The following TENM2 variants were observed in gnomAD, a reference collection of about 807,000 sequenced individuals.
The protein encoded by TENM2 is teneurin-2.
Under a neutral mutation model 245.2 loss-of-function variants are expected in TENM2, and 52 were observed. The observed-to-expected ratio is 0.21, with a 90% confidence interval of 0.17 to 0.27. TENM2 has a LOEUF of 0.27. TENM2 is among the 10% of genes least tolerant of loss of function. The pLI is 1.00. For missense variants in TENM2, 3,046 were observed against 3,666.8 expected (o/e 0.83, Z 4.37); for synonymous variants, 1,363 against 1,438.9 (o/e 0.95, Z 1.19).
intron 23 of TENM2, among the ~76,000 whole-genome samples, chr5:168,220,745 C>T (rs1403834889): frequency 2.6e-5 from 4 of 152,156 alleles, no homozygotes; most frequent in Non-Finnish European, 4.4e-5. Context: ...AAGACCAACA[C>T]TGCATAGCCT....
chr5:168,205,277 T>A (rs1762263479), intron 19 of TENM2, among the ~76,000 whole-genome samples: 1 of 151,886 alleles, frequency 6.6e-6, no homozygotes, highest in Non-Finnish European at 1.5e-5. Flanking sequence ...TCAACAAATA[T>A]TTGGTGAATG....
At chr5:168,192,969 T>G (rs1761086453) in intron 14 of TENM2, among the ~76,000 whole-genome samples, 2 of 152,228 alleles carry the variant, frequency 1.3e-5, no homozygotes, top group African/African-American at 2.4e-5. Flanking sequence ...TCTGGTTTTA[T>G]CTTATTCTCC....
chr5:167,687,006 A>C lies in TENM2; in HGVS notation c.503-188980A>C, dbSNP rs186289352. On this transcript the variant is annotated intron_variant, in intron 2 of 28. Coordinates refer to ENST00000518659, the Ensembl canonical transcript of TENM2. ...CCACCTGTTGAAAGGGCTATTCTCA[A>C]ATCTTTAAAAACACATTGCCAAATA... 3.2e-4 allele frequency among the ~76,000 whole-genome samples: 49 copies of C among 152,268 alleles called. 1 individual carries two copies. The highest frequency in any genetic ancestry group is 1.2e-3 in the African/African-American group (48 of 41,552).
the TENM2 span, among the ~76,000 whole-genome samples, chr5:166,999,667 T>C: frequency 6.6e-6 from 1 of 152,090 alleles, no homozygotes; most frequent in Non-Finnish European, 1.5e-5. Context: ...GCCTTCAGGG[T>C]TATGGTGGGC....
At chr5:167,639,511 C>T (rs1382018380) in intron 2 of TENM2, among the ~76,000 whole-genome samples, 1 of 152,140 alleles carries the variant, frequency 6.6e-6, no homozygotes, top group African/African-American at 2.4e-5. Context: ...GACCTTCTTC[C>T]TGCTTCACAA....
At chr5:167,093,554 G>A in the TENM2 span, among the ~76,000 whole-genome samples, 5 of 152,314 alleles carry the variant, frequency 3.3e-5, no homozygotes, top group East Asian at 9.7e-4. Flanking sequence ...AGTCGCGACA[G>A]CATATGTCAC....
chr5:168,103,444 C>T (rs192192331), intron 9 of TENM2, among the ~76,000 whole-genome samples: 14 of 152,288 alleles, frequency 9.2e-5, no homozygotes, highest in Admixed American at 2.0e-4. Flanking sequence ...TTAATCGTCA[C>T]GCCCCCTTCA....
intron 9 of TENM2, among the ~76,000 whole-genome samples, chr5:168,101,416 A>C (rs1793804634): frequency 6.6e-6 from 1 of 152,030 alleles, no homozygotes; most frequent in Non-Finnish European, 1.5e-5. Context: ...AAACCTAAGT[A>C]CCCCGGCCGT....
At chr5:168,108,044 A>G (rs912949275) in intron 9 of TENM2, among the ~76,000 whole-genome samples, 1 of 152,226 alleles carries the variant, frequency 6.6e-6, no homozygotes, top group Non-Finnish European at 1.5e-5. Context: ...ATGTCTGGTT[A>G]CTTGAATAGA....
At chr5:168,124,961 C>T in exon 11 of TENM2, 1 of 1,611,846 alleles carries the variant, frequency 6.2e-7, no homozygotes, top group South Asian at 1.1e-5. Context: ...GTCCAGTGCC[C>T]AGACCAGTGC....
At chr5:167,235,278 A>T in the TENM2 span, among the ~76,000 whole-genome samples, 1 of 152,036 alleles carries the variant, frequency 6.6e-6, no homozygotes, top group Non-Finnish European at 1.5e-5. Context: ...TTACCTCTTT[A>T]AACACCTGTC....
intron 8 of TENM2, among the ~76,000 whole-genome samples, chr5:168,094,524 C>T (rs1793199469): frequency 6.6e-6 from 1 of 151,928 alleles, no homozygotes; most frequent in Non-Finnish European, 1.5e-5. Context: ...TCATTTGTAC[C>T]CAGAAGTTCC....
chr5:167,758,877 A>G (rs1440644407), intron 2 of TENM2, among the ~76,000 whole-genome samples: 1 of 152,070 alleles, frequency 6.6e-6, no homozygotes, highest in Non-Finnish European at 1.5e-5. Flanking sequence ...TGATTGATAC[A>G]GAAACAGCTA....
intron 2 of TENM2, among the ~76,000 whole-genome samples, chr5:167,689,834 T>C (rs899040661): frequency 2.0e-5 from 3 of 152,136 alleles, no homozygotes; most frequent in Non-Finnish European, 4.4e-5. Flanking sequence ...CAATTTTGGC[T>C]CCTACAATCT....
intron 18 of TENM2, 142 bp from the exon 21 acceptor site, chr5:168,204,230 C>A: frequency 1.1e-6 from 1 of 876,922 alleles, no homozygotes; most frequent in Non-Finnish European, 1.7e-6. Context: ...CACTGCAGCT[C>A]TCTCCACATT....
At chr5:167,535,854 A>T (rs1771807472) in intron 2 of TENM2, among the ~76,000 whole-genome samples, 1 of 152,222 alleles carries the variant, frequency 6.6e-6, no homozygotes, top group South Asian at 2.1e-4. Context: ...AGCCATAAGA[A>T]TTAGAGCTCA....
chr5:168,216,966 C>T, intron 22 of TENM2, 44 bp downstream of exon 24: 1 of 1,605,552 alleles, frequency 6.2e-7, no homozygotes, highest in Non-Finnish European at 8.5e-7. Flanking sequence ...ACACCTGCCC[C>T]TTGGCCTGAG....
chr5:167,296,773 T>C (rs1219749642), intron 1 of TENM2, among the ~76,000 whole-genome samples: 1 of 152,232 alleles, frequency 6.6e-6, no homozygotes, highest in African/African-American at 2.4e-5. Flanking sequence ...TTGTCTGCCC[T>C]GCAAAAGCTC....
At chr5:167,318,474 A>C (rs1756511147) in intron 1 of TENM2, among the ~76,000 whole-genome samples, 2 of 152,094 alleles carry the variant, frequency 1.3e-5, no homozygotes, top group Non-Finnish European at 2.9e-5. Context: ...CACGGTGTGA[A>C]TAAAACGAGA....
Sources: gnomAD v4.1 joint callset for allele counts (sites outside exome capture counted in the v4.1 genomes callset) on GRCh38, gnomAD v4.1.1 for gene constraint, MANE v1.5 for transcripts, NCBI Gene and HGNC (gene_info 2026-07-23, HGNC 2026-07-21) for gene names.